GSE1: variants seen among roughly 807,000 people sequenced by gnomAD.
GSE1 encodes genetic suppressor element 1.
A neutral mutation model predicts 112.6 loss-of-function variants in GSE1; 32 were observed. The ratio of observed to expected loss-of-function variants is 0.28; its 90% CI spans 0.21 to 0.38. The LOEUF (loss-of-function observed/expected upper bound fraction) is 0.38, where lower values mean the gene tolerates loss of function less well. GSE1 is among the 10% of genes least tolerant of loss of function. GSE1 has a pLI of 1.00. For synonymous variants in GSE1, 1,115 were observed against 735.6 expected (o/e 1.52, Z -8.35); for missense variants, 2,348 against 1,699.2 (o/e 1.38, Z -6.71).
At chr16:85,640,684 G>A (rs1016897698) in intron 2 of GSE1, among the ~76,000 whole-genome samples, 10 of 152,384 alleles carry the variant, frequency 6.6e-5, no homozygotes, top group African/African-American at 2.2e-4. Flanking sequence ...GCCTGGGCGG[G>A]GGAGAGGCTC....
At chr16:85,668,666 G>C (rs1189958433) in intron 14 of GSE1, among the ~76,000 whole-genome samples, 1 of 152,220 alleles carries the variant, frequency 6.6e-6, no homozygotes, top group Non-Finnish European at 1.5e-5. Context: ...GGTGGCACCT[G>C]TCATTCTTTA....
chr16:85,460,124 C>T (rs1486237271), intron 2 of GSE1, among the ~76,000 whole-genome samples: 1 of 152,218 alleles, frequency 6.6e-6, no homozygotes, highest in Non-Finnish European at 1.5e-5. Flanking sequence ...TCCTGGCCCA[C>T]ATCCCTTGAC....
At chr16:85,573,977 C>G (rs2046115905) in intron 1 of GSE1, among the ~76,000 whole-genome samples, 1 of 152,226 alleles carries the variant, frequency 6.6e-6, no homozygotes. Context: ...GGCGCCGTCT[C>G]TTTGGCCAGA....
At chr16:85,639,614 C>A (rs1470082737) in intron 2 of GSE1, among the ~76,000 whole-genome samples, 1 of 152,260 alleles carries the variant, frequency 6.6e-6, no homozygotes, top group Non-Finnish European at 1.5e-5. Flanking sequence ...CCGGGAACGC[C>A]TGTGCGTGGA....
chr16:85,563,189 CTT>C (rs80212096), intron 1 of GSE1, among the ~76,000 whole-genome samples: 5 of 140,446 alleles, frequency 3.6e-5, no homozygotes, highest in Non-Finnish European at 3.1e-5. Context: ...CCTCCTCTTC[CTT>C]TTTTTTTTTT....
intron 3 of GSE1, among the ~76,000 whole-genome samples, chr16:85,652,884 G>T (rs115343673): frequency 0.013 from 1,910 of 152,120 alleles, 40 homozygotes; most frequent in African/African-American, 0.044. Flanking sequence ...GGGAGGCAGA[G>T]CGGGGCTGGT....
At chr16:85,280,471 G>C (rs1311427491) in intron 1 of GSE1, among the ~76,000 whole-genome samples, 1 of 152,116 alleles carries the variant, frequency 6.6e-6, no homozygotes, top group Admixed American at 6.5e-5. Flanking sequence ...TCTCGGCTCA[G>C]TGCAACCTCC....
intron 2 of GSE1, among the ~76,000 whole-genome samples, chr16:85,450,674 T>C (rs1597794171): frequency 2.7e-5 from 4 of 150,610 alleles, no homozygotes; most frequent in East Asian, 4.1e-4. Flanking sequence ...TGGTCTTGAA[T>C]TCCTGACCTT....
intron 8 of GSE1, among the ~76,000 whole-genome samples, chr16:85,660,782 C>T (rs1007863409): frequency 6.6e-6 from 1 of 152,158 alleles, no homozygotes. Context: ...AGGCACCCGC[C>T]ACCATGCCTG....
chr16:85,551,591 G>A (rs12929778), upstream of GSE1, among the ~76,000 whole-genome samples: 59,016 of 152,016 alleles, frequency 0.39, 11,959 homozygotes, highest in Middle Eastern at 0.53. Flanking sequence ...GTTGCTTTCT[G>A]TTTCTCAGCT....
At chr16:85,324,088 C>A (rs539701562) in intron 1 of GSE1, among the ~76,000 whole-genome samples, 8 of 152,318 alleles carry the variant, frequency 5.3e-5, no homozygotes, top group African/African-American at 1.9e-4. Flanking sequence ...GAAGTTGGAA[C>A]CCTGGTGCAC....
chr16:85,243,920 A>T (rs1353279841), intron 1 of GSE1, among the ~76,000 whole-genome samples: 5 of 152,266 alleles, frequency 3.3e-5, no homozygotes, highest in African/African-American at 1.2e-4. Context: ...TGAAGTCAGG[A>T]GTTTGAGACC....
chr16:85,674,577 C>T lies in GSE1; in HGVS notation c.*2038C>T, dbSNP rs951240450. 3 of 152,246 alleles carry T rather than the reference C, an allele frequency of 2.0e-5. No individual in the cohort carries two copies. The highest frequency in any genetic ancestry group is 6.5e-5 in the Admixed American group (1 of 15,286). 9.4% of individuals were successfully genotyped at this position (152,246 alleles called of 1,614,324 possible). ...AAGGCTTAAGAGTCACATCTTAGCACTTCCGCTCTCAGGCCTCCTCCTCCA... is the reference window on the plus strand; with the variant it reads ...AAGGCTTAAGAGTCACATCTTAGCATTTCCGCTCTCAGGCCTCCTCCTCCA... On this transcript the variant is annotated 3_prime_UTR_variant, in exon 16 of 16. Transcript: ENST00000253458.
At chr16:85,403,971 C>A (rs1253603065) in intron 2 of GSE1, among the ~76,000 whole-genome samples, 1 of 152,024 alleles carries the variant, frequency 6.6e-6, no homozygotes, top group East Asian at 1.9e-4. Context: ...TGGCCGCTCA[C>A]TGCAGCCTTC....
upstream of GSE1, among the ~76,000 whole-genome samples, chr16:85,608,002 C>A (rs190563521): frequency 1.7e-3 from 265 of 152,310 alleles, 3 homozygotes; most frequent in African/African-American, 5.9e-3. Context: ...TCCTCCCCCC[C>A]ATGATTTCAG....
chr16:85,659,494 TA>T (rs2052253507), intron 8 of GSE1: 1 of 152,206 alleles, frequency 6.6e-6, no homozygotes, highest in Non-Finnish European at 1.5e-5. Flanking sequence ...GTGTCCCAGC[TA>T]AGTCCAGCAC....
At chr16:85,615,421 G>A (rs983493944) in intron 1 of GSE1, among the ~76,000 whole-genome samples, 2 of 152,174 alleles carry the variant, frequency 1.3e-5, no homozygotes, top group African/African-American at 4.8e-5. Flanking sequence ...GGCCGGGTGC[G>A]AGGATGGCTT....
At chr16:85,210,744 G>A (rs1567612856) in intron 1 of GSE1, among the ~76,000 whole-genome samples, 2 of 152,188 alleles carry the variant, frequency 1.3e-5, no homozygotes, top group Non-Finnish European at 2.9e-5. Context: ...AGGTGACGGG[G>A]GTGCCACCCG....
intron 1 of GSE1, among the ~76,000 whole-genome samples, chr16:85,315,594 C>T (rs2045968800): frequency 6.6e-6 from 1 of 152,140 alleles, no homozygotes; most frequent in East Asian, 1.9e-4. Context: ...AACCCAACCC[C>T]TGTGTCCTGG....
Sources: gnomAD v4.1 joint callset for allele counts (sites outside exome capture counted in the v4.1 genomes callset) on GRCh38, gnomAD v4.1.1 for gene constraint, MANE v1.5 for transcripts, NCBI Gene and HGNC (gene_info 2026-07-23, HGNC 2026-07-21) for gene names.